The following SETDB2 variants were observed in gnomAD, a reference collection of about 807,000 sequenced individuals.
SETDB2 encodes the protein SET domain bifurcated histone lysine methyltransferase 2, also known as histone-lysine N-methyltransferase SETDB2.
A neutral mutation model predicts 82.5 loss-of-function variants in SETDB2; 56 were observed. The observed-to-expected ratio is 0.68, with a 90% CI of 0.55 to 0.85. The LOEUF (loss-of-function observed/expected upper bound fraction) is 0.85. Among genes scored for constraint, SETDB2 ranks in the 40% least tolerant of loss-of-function variants. The probability of loss-of-function intolerance (pLI) is 0.00; values close to 1 mark genes in which losing one functional copy is unlikely to be tolerated. For synonymous variants in SETDB2, 272 were observed against 284.9 expected (o/e 0.95, Z 0.46); for missense variants, 677 against 816.4 (o/e 0.83, Z 2.08).
chr13:49,447,465 T>C (rs565507598), intron 1 of SETDB2, among the ~76,000 whole-genome samples: 1 of 152,210 alleles, frequency 6.6e-6, no homozygotes, highest in Admixed American at 6.5e-5. Context: ...TAATAAAAAT[T>C]CTCCGAATGT....
intron 4 of SETDB2, among the ~76,000 whole-genome samples, chr13:49,467,342 C>T (rs1958136648): frequency 6.6e-6 from 1 of 151,978 alleles, no homozygotes; most frequent in South Asian, 2.1e-4. Context: ...TTGCAGTGAG[C>T]CAAGATCATA....
At position 49,492,053 on chromosome 13, in the gene SETDB2, A is replaced by G; in HGVS notation, c.*204A>G. 1.8e-6 allele frequency: 1 copy of G among 563,630 alleles called. No individual in the cohort carries two copies. The highest frequency in any genetic ancestry group is 3.2e-6 in the Non-Finnish European group (1 of 310,376). 34.9% of individuals were successfully genotyped at this position (563,630 alleles called of 1,614,324 possible). The stretch of plus-strand genomic sequence containing the variant: ...TTCATACACATAGGGTATCTTGTTC[A>G]CTGCTGTGCTACTTTACATGAGTAG... On this transcript the variant is annotated 3_prime_UTR_variant, in exon 14 of 14. Transcript: ENST00000611815.
intron 12 of SETDB2, among the ~76,000 whole-genome samples, chr13:49,489,760 T>C (rs544581361): frequency 4.0e-5 from 6 of 150,916 alleles, no homozygotes; most frequent in Admixed American, 6.6e-5. Context: ...CATGCCTGGC[T>C]AATTTTTGCA....
At chr13:49,467,392 C>CT (rs1723892227) in intron 4 of SETDB2, among the ~76,000 whole-genome samples, 1 of 61,294 alleles carries the variant, frequency 1.6e-5, no homozygotes, top group African/African-American at 1.4e-4. Context: ...GAATGAGACT[C>CT]TGTCTCAAAA....
At chr13:49,488,144 C>G in intron 11 of SETDB2, 146 bp from the exon 12 acceptor site, 3 of 1,222,074 alleles carry the variant, frequency 2.5e-6, no homozygotes, top group Non-Finnish European at 3.2e-6. Context: ...AGAAAGTTTC[C>G]TTTATACAAT....
chr13:49,478,667 C>G (rs766962663), intron 6 of SETDB2, among the ~76,000 whole-genome samples: 10 of 152,140 alleles, frequency 6.6e-5, no homozygotes, highest in Non-Finnish European at 1.5e-4. Context: ...TGGCTCATAC[C>G]TGTAATCCTA....
chr13:49,482,866 T>C lies in SETDB2; in HGVS notation c.1286T>C (p.Val429Ala), dbSNP rs148980682. The change falls in exon 9 of 14, where the codon GTT (valine) becomes GCT (alanine). Residue 429 changes from valine to alanine, a missense_variant. By Grantham distance (64) the Val-to-Ala change is moderately conservative. This residue lies in a region of SETDB2 where 420 missense variants were observed against 554.6 expected (regional missense o/e 0.76). Transcript: ENST00000611815. ...KLEVACSDCE[V>A]EVLPLGLETH... ...GAAGTTGCATGTTCAGATTGTGAAG[T>C]TGAAGTTCTCCCATTAGGATTGGAA... 30 of 1,613,598 alleles carry C rather than the reference T, an allele frequency of 1.9e-5. No individual in the cohort carries two copies. In the African/African-American group the frequency reaches 2.4e-4, roughly 13 times the overall value.
chr13:49,454,000 G>A (rs1395323819), intron 2 of SETDB2, among the ~76,000 whole-genome samples: 1 of 152,110 alleles, frequency 6.6e-6, no homozygotes, highest in South Asian at 2.1e-4. Flanking sequence ...CTATTACCAC[G>A]TGGATCATTT....
Position 49,494,849 on chromosome 13 carries a change from C to T in SETDB2, c.*3000C>T, listed in dbSNP as rs1594191449. 1 of 152,148 alleles carries T rather than the reference C, an allele frequency of 6.6e-6. No individual in the cohort carries two copies. Among genetic ancestry groups the T allele is most frequent in the African/African-American group, 2.4e-5 (1 of 41,436 alleles). 9.4% of individuals were successfully genotyped at this position (152,148 alleles called of 1,614,324 possible). On this transcript the variant is annotated 3_prime_UTR_variant, in exon 14 of 14. Transcript: ENST00000611815. ...GACCTCCAGTTTTCCTTTAATTCCT[C>T]AGCAAACCACCAACTATTATATGTC...
intron 13 of SETDB2, 23 bp downstream of exon 13, chr13:49,490,933 T>C: frequency 6.3e-7 from 1 of 1,576,114 alleles, no homozygotes; most frequent in Non-Finnish European, 8.7e-7. Flanking sequence ...TTTCGCTTAC[T>C]TAATTCTGAA....
intron 6 of SETDB2, among the ~76,000 whole-genome samples, chr13:49,479,688 C>G (rs1342804873): frequency 6.6e-6 from 1 of 152,136 alleles, no homozygotes; most frequent in Non-Finnish European, 1.5e-5. Context: ...AGTTAGTCAT[C>G]TGAATAGAGG....
rs376576443 is a variant in SETDB2 at position 49,454,110 on chromosome 13, A to T, written c.16+2201A>T. ...ACTTAATTGTTCAATTCCAGTATAT[A>T]TATGTAGCAGTATCAGAATTGTTAA... is the stretch of plus-strand genomic sequence containing the variant. On this transcript the variant is annotated intron_variant, in intron 2 of 13. Transcript: ENST00000611815. 5.3e-5 allele frequency among the ~76,000 whole-genome samples: 8 copies of T among 152,254 alleles called. No individual in the cohort carries two copies. In the East Asian group the frequency reaches 9.6e-4, roughly 18 times the overall value.
At chr13:49,446,362 G>C (rs1957686833) in intron 1 of SETDB2, 2 of 456,180 alleles carry the variant, frequency 4.4e-6, no homozygotes, top group Admixed American at 2.4e-5. Flanking sequence ...GTTCGTATAT[G>C]ATAAAAATTC....
At chr13:49,445,264 C>G (rs956183154) in intron 1 of SETDB2, among the ~76,000 whole-genome samples, 2 of 152,104 alleles carry the variant, frequency 1.3e-5, no homozygotes, top group African/African-American at 4.8e-5. Flanking sequence ...GCGTGACTAA[C>G]CCGTGGTTCT....
chr13:49,455,091 G>GATAA (rs1957857972), intron 2 of SETDB2, among the ~76,000 whole-genome samples: 1 of 152,110 alleles, frequency 6.6e-6, no homozygotes, highest in South Asian at 2.1e-4. Flanking sequence ...TAGTGAGAAG[G>GATAA]ATAACATTGT....
chr13:49,491,324 G>A (rs750602082), intron 13 of SETDB2, among the ~76,000 whole-genome samples: 1 of 152,122 alleles, frequency 6.6e-6, no homozygotes, highest in Admixed American at 6.5e-5. Context: ...CTGAAATTTT[G>A]ACTCTTATTC....
At chr13:49,452,014 T>C (rs987521614) in intron 2 of SETDB2, 105 bp downstream of exon 2, 1 of 761,574 alleles carries the variant, frequency 1.3e-6, no homozygotes, top group African/African-American at 1.8e-5. Context: ...GCGAGGAACT[T>C]TTCTGAATTA....
In SETDB2 at chr13:49,491,963, G is replaced by T. The variant is rs1958722236; in HGVS notation, c.*114G>T. ...CCCCTCCGTTTTCCTTTGTCATGGGGTTTATGTTTTATTTCAGATTTTATT... is the reference window on the plus strand; with the variant it reads ...CCCCTCCGTTTTCCTTTGTCATGGGTTTTATGTTTTATTTCAGATTTTATT... On this transcript the variant is annotated 3_prime_UTR_variant, in exon 14 of 14. Coordinates refer to ENST00000611815, the MANE Select transcript of SETDB2 (RefSeq NM_001160308.3). The T allele has an allele frequency of 3.9e-6, 3 of 770,672 alleles. No homozygotes were observed. Among genetic ancestry groups the T allele is most frequent in the African/African-American group, 1.7e-5 (1 of 57,908 alleles). 47.7% of individuals were successfully genotyped at this position (770,672 alleles called of 1,614,324 possible).
In SETDB2 at chr13:49,456,242, C is replaced by T. The variant is rs188865523; in HGVS notation, c.17-3865C>T. 7.2e-5 allele frequency among the ~76,000 whole-genome samples: 11 copies of T among 152,084 alleles called. No individual in the cohort carries two copies. In the East Asian group the frequency reaches 2.1e-3, roughly 29 times the overall value. On this transcript the variant is annotated intron_variant, in intron 2 of 13. Coordinates refer to ENST00000611815, the MANE Select transcript of SETDB2 (RefSeq NM_001160308.3). ...TACATATGTTTCTGTGTACTGAGGT[C>T]ATTATTAATGTATTTGGTAAGTATT... is the stretch of plus-strand genomic sequence containing the variant.
Sources: allele counts gnomAD v4.1 joint callset (sites outside exome capture counted in the v4.1 genomes callset), GRCh38; gene constraint gnomAD v4.1.1; regional missense constraint gnomAD v4.1.1; transcripts MANE v1.5; gene names NCBI Gene and HGNC (gene_info 2026-07-23, HGNC 2026-07-21).